SORCS1: variants seen among roughly 807,000 people sequenced by gnomAD.
SORCS1 encodes the protein VPS10 domain-containing receptor SorCS1.
Under a neutral mutation model 146.1 loss-of-function variants are expected in SORCS1, and 60 were observed. The ratio of observed to expected loss-of-function variants is 0.41; its 90% CI spans 0.33 to 0.51. The LOEUF (loss-of-function observed/expected upper bound fraction) is 0.51. Ranked by LOEUF, SORCS1 falls within the 20% of genes least tolerant of loss-of-function variation. SORCS1 has a pLI of 0.21. For synonymous variants in SORCS1, 637 were observed against 584.0 expected, an observed-to-expected ratio of 1.09 and a Z score of -1.31; for missense variants, 1,352 against 1,487.6, an observed-to-expected ratio of 0.91 and a Z score of 1.50.
chr10:107,158,270 G>A (rs1969442963), intron 1 of SORCS1, among the ~76,000 whole-genome samples: 1 of 152,138 alleles, frequency 6.6e-6, no homozygotes, highest in Non-Finnish European at 1.5e-5. Flanking sequence ...CAAGATTGAT[G>A]TGTATATTTT....
intron 3 of SORCS1, among the ~76,000 whole-genome samples, chr10:106,809,030 T>C (rs962431401): frequency 2.6e-5 from 4 of 152,156 alleles, no homozygotes; most frequent in African/African-American, 9.7e-5. Flanking sequence ...TTACCGCCAG[T>C]TGTAAAGTAA....
chr10:107,128,871 G>A lies in SORCS1; in HGVS notation c.558+35098C>T, dbSNP rs958733945. Among the ~76,000 whole-genome samples, 6 of 152,128 alleles carry A rather than the reference G, an allele frequency of 3.9e-5. No individual in the cohort carries two copies. The East Asian group carries it at 5.8e-4, about 15-fold the overall frequency. On this transcript the variant is annotated intron_variant, in intron 1 of 25. Transcript: ENST00000263054. Reference sequence around the variant, plus strand: ...GTGTCCTGGGTCTTACTCCCAGGTCGTGCCACTATTCCTGGTGATGAGACT... The same window carrying A: ...GTGTCCTGGGTCTTACTCCCAGGTCATGCCACTATTCCTGGTGATGAGACT...
chr10:106,624,346 ATTTTTTTTTTT>A (rs57785797), intron 19 of SORCS1, among the ~76,000 whole-genome samples: 14 of 69,404 alleles, frequency 2.0e-4, no homozygotes, highest in African/African-American at 2.6e-4. Context: ...GTCAATGACG[ATTTTTTTTTTT>A]TTTTTTTTTT....
At chr10:106,938,885 G>A (rs764897412) in intron 2 of SORCS1, among the ~76,000 whole-genome samples, 1 of 152,130 alleles carries the variant, frequency 6.6e-6, no homozygotes, top group Non-Finnish European at 1.5e-5. Context: ...GTTATTGTAG[G>A]CTGGGACATC....
chr10:107,071,916 G>A (rs1386660750), intron 1 of SORCS1, among the ~76,000 whole-genome samples: 1 of 152,198 alleles, frequency 6.6e-6, no homozygotes, highest in East Asian at 1.9e-4. Flanking sequence ...AATGGAAACA[G>A]GTTGGCAATA....
chr10:106,643,057 A>G (rs917522409), intron 18 of SORCS1, among the ~76,000 whole-genome samples: 1 of 152,174 alleles, frequency 6.6e-6, no homozygotes, highest in Admixed American at 6.5e-5. Flanking sequence ...TTCTTAGAAA[A>G]TGGTTCCTTC....
intron 1 of SORCS1, among the ~76,000 whole-genome samples, chr10:107,062,097 T>C (rs1345259570): frequency 2.0e-5 from 3 of 152,136 alleles, no homozygotes; most frequent in Non-Finnish European, 4.4e-5. Context: ...AGAAATTCAC[T>C]GATCTATCCA....
chr10:107,030,736 T>C (rs1027081436), intron 1 of SORCS1, among the ~76,000 whole-genome samples: 3 of 152,144 alleles, frequency 2.0e-5, no homozygotes, highest in Non-Finnish European at 4.4e-5. Flanking sequence ...TTTTACATTA[T>C]GCCGAGTTTA....
At chr10:107,171,515 T>C in the SORCS1 span, among the ~76,000 whole-genome samples, 16 of 5,146 alleles carry the variant, frequency 3.1e-3, no homozygotes, top group African/African-American at 0.011. Context: ...GGAATCCCCC[T>C]TTTTTTTTTT....
chr10:106,612,322 C>A (rs1018550186), intron 21 of SORCS1, among the ~76,000 whole-genome samples: 1 of 147,152 alleles, frequency 6.8e-6, no homozygotes. Context: ...GACCACCCCC[C>A]CAGACTACCC....
intron 6 of SORCS1, among the ~76,000 whole-genome samples, chr10:106,727,422 C>T (rs10748924): frequency 0.52 from 79,007 of 152,028 alleles, 21,598 homozygotes; most frequent in African/African-American, 0.7. Context: ...GTTGTGTTCA[C>T]AGTGCACTAC....
chr10:106,801,546 T>TTTTTA (rs1946874560), intron 3 of SORCS1, among the ~76,000 whole-genome samples: 1 of 135,402 alleles, frequency 7.4e-6, no homozygotes, highest in African/African-American at 2.7e-5. Context: ...TTTTTTTTTT[T>TTTTTA]GAGACGGAGT....
intron 1 of SORCS1, among the ~76,000 whole-genome samples, chr10:107,112,125 C>A (rs1965737523): frequency 6.6e-6 from 1 of 151,586 alleles, no homozygotes; most frequent in Non-Finnish European, 1.5e-5. Context: ...TGGTGGCTTG[C>A]AAATCACTTT....
chr10:107,021,513 C>CAAAAAAAAAAAAAAA (rs869141427), intron 1 of SORCS1, among the ~76,000 whole-genome samples: 1 of 68,594 alleles, frequency 1.5e-5, no homozygotes, highest in Non-Finnish European at 2.7e-5. Flanking sequence ...CACTCCGTCT[C>CAAAAAAAAAAAAAAA]AAAAAAAAAA....
intron 2 of SORCS1, among the ~76,000 whole-genome samples, chr10:106,870,636 T>G (rs768129846): frequency 6.6e-6 from 1 of 152,232 alleles, no homozygotes; most frequent in Non-Finnish European, 1.5e-5. Context: ...GCTAACCATA[T>G]GCAGAAGATT....
chr10:106,992,124 G>A (rs1411316912), intron 1 of SORCS1, among the ~76,000 whole-genome samples: 6 of 152,174 alleles, frequency 3.9e-5, no homozygotes, highest in Non-Finnish European at 5.9e-5. Flanking sequence ...ACAATGGACA[G>A]GCTGTTGGAT....
At position 106,574,204 on chromosome 10, in the gene SORCS1, C is replaced by T. The variant is rs1051841824; in HGVS notation, c.*3216G>A. The stretch of plus-strand genomic sequence containing the variant: ...CTTCTGAAAAAAAAGCAAAGCAAAC[C>T]TCTGCATTTTGGACAGTGAATCCAA... On this transcript the variant is annotated 3_prime_UTR_variant, in exon 26 of 26. Coordinates refer to ENST00000263054, the MANE Select transcript of SORCS1 (RefSeq NM_052918.5). The T allele has an allele frequency of 1.3e-5, 2 of 152,572 alleles. No homozygotes were observed. Among genetic ancestry groups the T allele is most frequent in the Admixed American group, 1.3e-4 (2 of 15,268 alleles). 9.5% of individuals were successfully genotyped at this position (152,572 alleles called of 1,614,324 possible).
intron 3 of SORCS1, among the ~76,000 whole-genome samples, chr10:106,793,130 C>A (rs1589889388): frequency 6.6e-6 from 1 of 152,174 alleles, no homozygotes; most frequent in Non-Finnish European, 1.5e-5. Context: ...ACTACCATTG[C>A]AGAGCTATTG....
rs982759693 is a variant in SORCS1 at position 107,100,109 on chromosome 10, T to C, written c.558+63860A>G. Among the ~76,000 whole-genome samples, 4 of 152,258 alleles carry C rather than the reference T, an allele frequency of 2.6e-5. No homozygotes were observed. The East Asian group carries it at 5.8e-4, about 22-fold the overall frequency. ...GAAAGTTTCCTTCCAGAAATTTCCA[T>C]AGGTTTTTAAGATGTGAATTTAGCA... On this transcript the variant is annotated intron_variant, in intron 1 of 25. Coordinates refer to ENST00000263054, the MANE Select transcript of SORCS1 (RefSeq NM_052918.5).
Sources: allele counts gnomAD v4.1 joint callset (sites outside exome capture counted in the v4.1 genomes callset), GRCh38; gene constraint gnomAD v4.1.1; transcripts MANE v1.5; gene names NCBI Gene and HGNC (gene_info 2026-07-23, HGNC 2026-07-21).